The following GRIK2 variants were observed in gnomAD, a reference collection of about 807,000 sequenced individuals.
The protein encoded by GRIK2 is glutamate receptor ionotropic, kainate 2.
Under a neutral mutation model 100.3 loss-of-function variants are expected in GRIK2, and 32 were observed. That is an observed-to-expected ratio of 0.32 (90% confidence interval 0.24 to 0.43). The LOEUF is 0.43. GRIK2 is among the 20% of genes least tolerant of loss of function. GRIK2 has a pLI of 1.00. For missense variants in GRIK2, 843 were observed against 1,114.9 expected, an observed-to-expected ratio of 0.76 and a Z score of 3.47; for synonymous variants, 417 against 389.4, an observed-to-expected ratio of 1.07 and a Z score of -0.83.
chr6:101,753,298 A>AG (rs1344980131), intron 7 of GRIK2, among the ~76,000 whole-genome samples: 2 of 130,594 alleles, frequency 1.5e-5, no homozygotes, highest in Admixed American at 1.5e-4. Context: ...AAAAAAAAAA[A>AG]AAAAGAAAAT....
chr6:101,890,164 G>T (rs1257645876), intron 12 of GRIK2: 1 of 223,086 alleles, frequency 4.5e-6, no homozygotes, highest in South Asian at 1.8e-4. Flanking sequence ...TCACTTCGAA[G>T]ATTTCTGAAG....
chr6:101,873,202 C>T (rs1490746677), intron 11 of GRIK2, among the ~76,000 whole-genome samples: 1 of 150,854 alleles, frequency 6.6e-6, no homozygotes, highest in African/African-American at 2.4e-5. Flanking sequence ...CCCATTAACT[C>T]CTCATTTACA....
chr6:101,468,072 T>G (rs898000229), intron 2 of GRIK2, among the ~76,000 whole-genome samples: 1 of 152,040 alleles, frequency 6.6e-6, no homozygotes, highest in African/African-American at 2.4e-5. Context: ...TGGAACTGCC[T>G]CAGGCAGAGC....
At chr6:101,904,846 G>A (rs1788116586) in intron 12 of GRIK2, among the ~76,000 whole-genome samples, 1 of 151,402 alleles carries the variant, frequency 6.6e-6, no homozygotes, top group African/African-American at 2.4e-5. Flanking sequence ...CTTTATAAAT[G>A]ATCAGTACTC....
Position 101,685,350 on chromosome 6 carries a change from T to C in GRIK2, c.778-830T>C, listed in dbSNP as rs60947237. Among the ~76,000 whole-genome samples, 851 of 152,288 alleles carry C rather than the reference T, an allele frequency of 5.6e-3. 3 individuals carry two copies. The highest frequency in any genetic ancestry group is 0.019 in the African/African-American group (772 of 41,564). Reference sequence around the variant, plus strand: ...TTATTATCTAGCCTGTGTAGCTGTATGAGTCTGAGGCAAGCTGTTCACAGA... The same window carrying C: ...TTATTATCTAGCCTGTGTAGCTGTACGAGTCTGAGGCAAGCTGTTCACAGA... On this transcript the variant is annotated intron_variant, in intron 6 of 16. Transcript: ENST00000369134.
rs1774404197 is a variant in GRIK2 at position 101,513,133 on chromosome 6, T to G, written c.116-108816T>G. On this transcript the variant is annotated intron_variant, in intron 2 of 16. Transcript: ENST00000369134. The stretch of plus-strand genomic sequence containing the variant: ...CCAAAGTGGTTGGGGTGCAGCTTGG[T>G]TTTATACACTTCAGAGAGGCATGAG... 2.0e-5 allele frequency among the ~76,000 whole-genome samples: 3 copies of G among 152,062 alleles called. No homozygotes were observed. In the South Asian group the frequency reaches 6.2e-4, roughly 32 times the overall value.
chr6:101,652,360 C>T (rs1191860034), intron 4 of GRIK2, among the ~76,000 whole-genome samples: 6 of 152,072 alleles, frequency 3.9e-5, no homozygotes, highest in Admixed American at 3.9e-4. Context: ...AGGTGGCCCT[C>T]CACAACTAAG....
chr6:101,940,424 C>A (rs1035167350), intron 14 of GRIK2, among the ~76,000 whole-genome samples: 8 of 152,158 alleles, frequency 5.3e-5, no homozygotes, highest in African/African-American at 1.9e-4. Flanking sequence ...AAATCTATTG[C>A]ATTTTGAAAA....
intron 7 of GRIK2, among the ~76,000 whole-genome samples, chr6:101,746,370 A>G (rs1455438716): frequency 6.6e-6 from 1 of 152,170 alleles, no homozygotes; most frequent in Non-Finnish European, 1.5e-5. Context: ...CTTTTTGCCC[A>G]GGCTGGAGTG....
chr6:101,861,108 T>C (rs1194229947), intron 11 of GRIK2, among the ~76,000 whole-genome samples: 1 of 152,184 alleles, frequency 6.6e-6, no homozygotes, highest in Non-Finnish European at 1.5e-5. Context: ...TTAAACACTT[T>C]GAAACTTAAC....
chr6:101,435,473 TC>T (rs758967469), intron 2 of GRIK2, among the ~76,000 whole-genome samples: 38 of 150,876 alleles, frequency 2.5e-4, no homozygotes, highest in Non-Finnish European at 4.3e-4. Flanking sequence ...CTCAATCCCC[TC>T]CTCCAAATAA....
chr6:101,742,175 T>A (rs187277381), intron 7 of GRIK2, among the ~76,000 whole-genome samples: 1 of 152,358 alleles, frequency 6.6e-6, no homozygotes, highest in East Asian at 1.9e-4. Context: ...TTTAGCTTCC[T>A]AGCAGTGACA....
At chr6:102,013,056 C>A (rs1795632265) in intron 14 of GRIK2, among the ~76,000 whole-genome samples, 1 of 152,102 alleles carries the variant, frequency 6.6e-6, no homozygotes, top group African/African-American at 2.4e-5. Context: ...TTGATTTTTC[C>A]TATCTATGAG....
chr6:101,979,539 G>A (rs1582658294), intron 14 of GRIK2, among the ~76,000 whole-genome samples: 1 of 152,052 alleles, frequency 6.6e-6, no homozygotes, highest in East Asian at 2.0e-4. Flanking sequence ...GAGTGTTGGA[G>A]TATAAGCAGA....
chr6:101,584,370 A>T (rs975367304), intron 2 of GRIK2, among the ~76,000 whole-genome samples: 20 of 152,088 alleles, frequency 1.3e-4, no homozygotes, highest in African/African-American at 4.6e-4. Flanking sequence ...AAGAAAATCA[A>T]TTCTCAGGTT....
intron 14 of GRIK2, among the ~76,000 whole-genome samples, chr6:101,929,148 TC>T (rs199498779): frequency 0.023 from 3,465 of 152,246 alleles, 64 homozygotes; most frequent in South Asian, 0.061. Context: ...AAAGGGGCTG[TC>T]CCATTGAACT....
chr6:101,950,984 G>A (rs1791573274), intron 14 of GRIK2, among the ~76,000 whole-genome samples: 1 of 152,124 alleles, frequency 6.6e-6, no homozygotes, highest in Non-Finnish European at 1.5e-5. Context: ...TAAAGTTTAA[G>A]CGTCATTGTA....
intron 6 of GRIK2, among the ~76,000 whole-genome samples, chr6:101,683,071 T>C (rs1771404125): frequency 6.6e-6 from 1 of 151,870 alleles, no homozygotes; most frequent in Non-Finnish European, 1.5e-5. Flanking sequence ...GGCATGGTGG[T>C]GGGTGCCTGT....
At chr6:101,911,074 T>C (rs1788657274) in intron 12 of GRIK2, among the ~76,000 whole-genome samples, 2 of 151,454 alleles carry the variant, frequency 1.3e-5, no homozygotes, top group South Asian at 4.1e-4. Flanking sequence ...GTAAGGGCTG[T>C]TTTGTCTTCT....
Sources: allele counts gnomAD v4.1 joint callset (sites outside exome capture counted in the v4.1 genomes callset), GRCh38; gene constraint gnomAD v4.1.1; transcripts MANE v1.5; gene names NCBI Gene and HGNC (gene_info 2026-07-23, HGNC 2026-07-21).